Variants in UIMC1 observed in about 807,000 individuals in gnomAD.
The protein encoded by UIMC1 is BRCA1-A complex subunit RAP80.
Under a neutral mutation model 84.9 loss-of-function variants are expected in UIMC1, and 42 were observed. The ratio of observed to expected loss-of-function variants is 0.49; its 90% CI spans 0.39 to 0.64. The LOEUF is 0.64. Among genes scored for constraint, UIMC1 ranks in the 30% least tolerant of loss-of-function variants. UIMC1 has a pLI of 0.00. For missense variants in UIMC1, 825 were observed against 847.6 expected (o/e 0.97, Z 0.33); for synonymous variants, 281 against 293.0 (o/e 0.96, Z 0.42).
chr5:176,969,750 T>C, intron 4 of UIMC1, 44 bp from the exon 5 acceptor site: 2 of 1,557,584 alleles, frequency 1.3e-6, no homozygotes, highest in Non-Finnish European at 1.8e-6. Context: ...ATTATTAAAA[T>C]AACTATATAT....
chr5:176,977,744 T>C (rs558902082), intron 2 of UIMC1, among the ~76,000 whole-genome samples: 58 of 151,788 alleles, frequency 3.8e-4, no homozygotes, highest in African/African-American at 1.4e-3. Context: ...ACCCCCTCTC[T>C]ACTAAAAATA....
In UIMC1 at chr5:176,988,863, T is replaced by TA. The variant is rs1206259335; in HGVS notation, c.-8-6241dup. Reference sequence around the variant, plus strand: ...CACGCCAGGCTAATTTTTGTATTTTTAGTAGAGATGGGGTTTCACCATGTT... The same window carrying TA: ...CACGCCAGGCTAATTTTTGTATTTTTAAGTAGAGATGGGGTTTCACCATGTT... On this transcript the variant is annotated intron_variant, in intron 1 of 14. Transcript: ENST00000511320. Among the ~76,000 whole-genome samples the TA allele has an allele frequency of 1.6e-3, 245 of 152,114 alleles. 1 individual carries two copies. Among genetic ancestry groups the TA allele is most frequent in the African/African-American group, 5.7e-3 (235 of 41,474 alleles).
In UIMC1 at chr5:176,943,444, G is replaced by A. The variant is rs776687514; in HGVS notation, c.1488C>T (p.Thr496=). 6.2e-7 allele frequency: 1 copy of A among 1,614,084 alleles called. No individual in the cohort carries two copies. Among genetic ancestry groups the A allele is most frequent in the South Asian group, 1.1e-5 (1 of 91,080 alleles). The change falls in exon 10 of 15, where the codon ACC becomes ACT. Residue 496 remains threonine (T), a synonymous_variant. Coordinates refer to ENST00000511320, the MANE Select transcript of UIMC1 (RefSeq NM_001199298.2). Reference sequence around the variant, plus strand: ...AGGATACCTGGTTACTGGATGAGAAGGTAGAAATAGCTACTTCCTTCTCAG... The same window carrying A: ...AGGATACCTGGTTACTGGATGAGAAAGTAGAAATAGCTACTTCCTTCTCAG... ...EDAEKEVAIS[T]FSSSNQVSCP... is the part of the protein sequence containing the mutation.
intron 1 of UIMC1, among the ~76,000 whole-genome samples, chr5:176,987,936 C>A (rs2149516478): frequency 6.6e-6 from 1 of 151,982 alleles, no homozygotes; most frequent in East Asian, 1.9e-4. Flanking sequence ...TTGAGACCAG[C>A]CCAGGAAACA....
chr5:176,930,868 T>C (rs1317499997), intron 10 of UIMC1, among the ~76,000 whole-genome samples: 1 of 152,216 alleles, frequency 6.6e-6, no homozygotes, highest in Non-Finnish European at 1.5e-5. Flanking sequence ...AACCATTTAT[T>C]CTAGGTAATT....
At chr5:176,925,372 T>C (rs1014810064) in intron 10 of UIMC1, among the ~76,000 whole-genome samples, 1 of 152,122 alleles carries the variant, frequency 6.6e-6, no homozygotes, top group Non-Finnish European at 1.5e-5. Context: ...GTAAAATAAC[T>C]AGAATGCTCA....
intron 1 of UIMC1, among the ~76,000 whole-genome samples, chr5:177,018,349 CA>C (rs373953088): frequency 2.2e-5 from 3 of 134,874 alleles, no homozygotes; most frequent in African/African-American, 2.8e-5. Flanking sequence ...GACTCTGTCT[CA>C]AAAAAAAAAG....
At chr5:177,002,254 C>A (rs1479091590) in intron 1 of UIMC1, 2 of 152,138 alleles carry the variant, frequency 1.3e-5, no homozygotes, top group Non-Finnish European at 2.9e-5. Flanking sequence ...GATTGCACCA[C>A]TGCACTCCAG....
At chr5:177,013,131 C>T (rs1482818991) in intron 1 of UIMC1, among the ~76,000 whole-genome samples, 3 of 151,080 alleles carry the variant, frequency 2.0e-5, no homozygotes, top group Non-Finnish European at 2.9e-5. Flanking sequence ...AATCTTAGCA[C>T]TTTGGGAGGC....
At chr5:176,983,112 G>A (rs1046664762) in intron 1 of UIMC1, among the ~76,000 whole-genome samples, 2 of 151,464 alleles carry the variant, frequency 1.3e-5, no homozygotes, top group East Asian at 3.9e-4. Flanking sequence ...GGGGTTACAG[G>A]AGTGAGCCAC....
intron 7 of UIMC1, among the ~76,000 whole-genome samples, chr5:176,956,549 CA>C (rs1324080617): frequency 3.9e-5 from 6 of 152,146 alleles, no homozygotes; most frequent in Non-Finnish European, 4.4e-5. Context: ...TGCCCTACAG[CA>C]AAAATCTGCC....
intron 10 of UIMC1, among the ~76,000 whole-genome samples, chr5:176,917,032 G>C (rs542794660): frequency 6.6e-6 from 1 of 152,328 alleles, no homozygotes; most frequent in South Asian, 2.1e-4. Context: ...AGAATGACAA[G>C]TGGTTAAAGT....
intron 6 of UIMC1, among the ~76,000 whole-genome samples, chr5:176,958,956 A>G (rs1373434760): frequency 6.6e-6 from 1 of 152,242 alleles, no homozygotes; most frequent in East Asian, 1.9e-4. Context: ...CACTAGACAT[A>G]AAGCTACCAG....
chr5:176,953,960 A>T (rs1334700693), intron 8 of UIMC1, among the ~76,000 whole-genome samples: 1 of 152,210 alleles, frequency 6.6e-6, no homozygotes, highest in African/African-American at 2.4e-5. Flanking sequence ...TATATATTTA[A>T]AAAGAAACCC....
chr5:176,937,177 T>C (rs994393355), intron 10 of UIMC1, among the ~76,000 whole-genome samples: 1 of 152,212 alleles, frequency 6.6e-6, no homozygotes, highest in Non-Finnish European at 1.5e-5. Context: ...GTAGTCAATC[T>C]TCTCCCCTCA....
At chr5:176,989,630 C>T (rs1023853310) in intron 1 of UIMC1, among the ~76,000 whole-genome samples, 4 of 151,418 alleles carry the variant, frequency 2.6e-5, no homozygotes, top group Admixed American at 6.6e-5. Context: ...GCACTCCAGC[C>T]TAGTCAACCG....
chr5:176,984,672 G>C (rs1252945619), intron 1 of UIMC1, among the ~76,000 whole-genome samples: 4 of 50,718 alleles, frequency 7.9e-5, no homozygotes, highest in African/African-American at 2.6e-4. Flanking sequence ...GTGGGGAAAA[G>C]AAAGAGAGAT....
At chr5:176,958,274 T>C in intron 6 of UIMC1, 120 bp from the exon 7 acceptor site, 1 of 761,150 alleles carries the variant, frequency 1.3e-6, no homozygotes, top group Non-Finnish European at 2.0e-6. Flanking sequence ...AAGAAGAAAA[T>C]ATTTTCCATA....
At chr5:176,909,660 G>A (rs975498924) in intron 11 of UIMC1, among the ~76,000 whole-genome samples, 1 of 152,182 alleles carries the variant, frequency 6.6e-6, no homozygotes, top group Non-Finnish European at 1.5e-5. Flanking sequence ...TTTTTCTGAA[G>A]ATGTTTAAAA....
Sources: gnomAD v4.1 joint callset for allele counts (sites outside exome capture counted in the v4.1 genomes callset) on GRCh38, gnomAD v4.1.1 for gene constraint, MANE v1.5 for transcripts, NCBI Gene and HGNC (gene_info 2026-07-23, HGNC 2026-07-21) for gene names.